SMC1B: variants seen among roughly 807,000 people sequenced by gnomAD.
SMC1B encodes the protein structural maintenance of chromosomes 1B.
In SMC1B, 60 loss-of-function variants were observed where a neutral mutation model predicts 157.9. That is an observed-to-expected ratio of 0.38 (90% CI 0.31 to 0.47). The LOEUF is 0.47. SMC1B is among the 20% of genes least tolerant of loss of function. SMC1B has a pLI of 0.99. For missense variants in SMC1B, 1,165 were observed against 1,426.2 expected (o/e 0.82, Z 2.95); for synonymous variants, 445 against 483.0 (o/e 0.92, Z 1.03).
intron 23 of SMC1B, among the ~76,000 whole-genome samples, chr22:45,347,766 T>C (rs993621148): frequency 2.0e-5 from 3 of 152,078 alleles, no homozygotes; most frequent in African/African-American, 7.2e-5. Context: ...GAATGCCAAT[T>C]TATAAGTAAA....
At position 45,386,857 on chromosome 22, in the gene SMC1B, C is replaced by G. The variant is rs1396189016; in HGVS notation, c.1911+10G>C. The G allele has an allele frequency of 6.2e-7, 1 of 1,611,440 alleles. No homozygotes were observed. Among genetic ancestry groups the G allele is most frequent in the Middle Eastern group, 1.7e-4 (1 of 6,048 alleles). The stretch of plus-strand genomic sequence containing the variant: ...TTATCCAAAGGTGTGATCCAAGCCT[C>G]TTTTCTTACTTTCTGTCTTTCAGGT... On this transcript the variant is annotated intron_variant, in intron 11 of 24. Coordinates refer to ENST00000357450, the MANE Select transcript of SMC1B (RefSeq NM_148674.5).
rs577999962 is a variant in SMC1B, at chr22:45,413,319, G to A, written c.109+140C>T. ...CTGGGCCAGGGCCAGGCCGGGATCC[G>A]GTCGCGGTCAGGCTCCGGGACTGGA... On this transcript the variant is annotated intron_variant, in intron 1 of 24. Transcript: ENST00000357450. The A allele has an allele frequency of 3.5e-4, 221 of 635,726 alleles. 2 individuals carry two copies. In the South Asian group the frequency reaches 4.3e-3, roughly 12 times the overall value. The allele number at this position is 635,726 out of a possible 1,614,324, so 39.4% of individuals were successfully genotyped here.
intron 19 of SMC1B, among the ~76,000 whole-genome samples, chr22:45,356,234 T>TA (rs2086668845): frequency 6.6e-6 from 1 of 152,160 alleles, no homozygotes; most frequent in African/African-American, 2.4e-5. Context: ...CACATGTACT[T>TA]AGACTTAGAG....
chr22:45,378,460 C>T (rs1313183864), intron 12 of SMC1B, among the ~76,000 whole-genome samples: 2 of 152,138 alleles, frequency 1.3e-5, no homozygotes. Flanking sequence ...TGAGCACTTA[C>T]TGTTCTATGC....
intron 9 of SMC1B, among the ~76,000 whole-genome samples, chr22:45,391,064 CTT>C (rs136600): frequency 1.3e-4 from 19 of 142,656 alleles, no homozygotes; most frequent in Non-Finnish European, 1.2e-4. Context: ...TATTTGCTAC[CTT>C]TTTTTTTTTT....
At chr22:45,360,244 A>G (rs1267927372) in intron 17 of SMC1B, among the ~76,000 whole-genome samples, 1 of 152,212 alleles carries the variant, frequency 6.6e-6, no homozygotes. Flanking sequence ...TATAAGCTCT[A>G]CATTTTAGAC....
intron 12 of SMC1B, among the ~76,000 whole-genome samples, chr22:45,378,687 A>G (rs1325658764): frequency 6.6e-6 from 1 of 152,152 alleles, no homozygotes; most frequent in East Asian, 1.9e-4. Context: ...CTTTCCTTCT[A>G]AGAGTGATTT....
intron 2 of SMC1B, 98 bp from the exon 3 acceptor site, chr22:45,406,963 T>C: frequency 3.9e-6 from 3 of 775,876 alleles, no homozygotes; most frequent in Non-Finnish European, 4.0e-6. Context: ...CTTATTGAAA[T>C]GGCCAGTTAT....
At chr22:45,412,832 T>C (rs2087360857) in intron 1 of SMC1B, among the ~76,000 whole-genome samples, 1 of 152,136 alleles carries the variant, frequency 6.6e-6, no homozygotes, top group Non-Finnish European at 1.5e-5. Context: ...TCATCATCAC[T>C]ACATTCCTGG....
At chr22:45,386,758 A>G in intron 11 of SMC1B, 109 bp downstream of exon 11, 1 of 985,502 alleles carries the variant, frequency 1.0e-6, no homozygotes, top group Non-Finnish European at 1.5e-6. Context: ...TCTTTAGAAA[A>G]AAGAACACAT....
intron 17 of SMC1B, among the ~76,000 whole-genome samples, chr22:45,361,056 A>G (rs545003143): frequency 1.3e-4 from 20 of 152,102 alleles, no homozygotes; most frequent in Admixed American, 3.3e-4. Context: ...TATGAATATT[A>G]ACATATGTAA....
At chr22:45,358,000 C>A (rs979344304) in intron 19 of SMC1B, among the ~76,000 whole-genome samples, 10 of 152,306 alleles carry the variant, frequency 6.6e-5, no homozygotes, top group South Asian at 2.1e-4. Context: ...AAGATTGAGG[C>A]TGGATCACCA....
intron 9 of SMC1B, 70 bp from the exon 10 acceptor site, chr22:45,389,967 A>G: frequency 7.6e-7 from 1 of 1,312,322 alleles, no homozygotes; most frequent in Non-Finnish European, 1.1e-6. Context: ...ATTATTTTCT[A>G]ATGTAACAAA....
chr22:45,352,265 C>T (rs1210925477), intron 22 of SMC1B, among the ~76,000 whole-genome samples, 186 bp downstream of exon 22: 2 of 151,488 alleles, frequency 1.3e-5, no homozygotes, highest in African/African-American at 4.8e-5. Context: ...ATTCTGTCTT[C>T]GATTTGCTGT....
intron 12 of SMC1B, among the ~76,000 whole-genome samples, chr22:45,375,726 T>C (rs1218082033): frequency 2.0e-5 from 3 of 152,200 alleles, no homozygotes; most frequent in Admixed American, 6.5e-5. Context: ...CTCCTGCCTT[T>C]AATTCATTAA....
Position 45,369,998 on chromosome 22 carries a change from A to C in SMC1B, c.2376T>G (p.Phe792Leu). ...GTTGCCGTTTAACATGTTTGTTCTC[A>C]AATTCACGAATATTTTCCACGCCAA... ...EEIGVENIRE[F>L]ENKHVKRQQE... The change falls in exon 15 of 25, where the codon TTT becomes TTG. Residue 792 changes from phenylalanine to leucine, a missense_variant. Physicochemically the swap from Phe to Leu is conservative, Grantham distance 22. Transcript: ENST00000357450. 2 of 1,598,964 alleles carry C rather than the reference A, an allele frequency of 1.3e-6. No individual in the cohort carries two copies. The highest frequency in any genetic ancestry group is 1.7e-6 in the Non-Finnish European group (2 of 1,172,712).
At chr22:45,379,723 CTTTTTTT>C (rs136583) in intron 12 of SMC1B, among the ~76,000 whole-genome samples, 19 of 91,484 alleles carry the variant, frequency 2.1e-4, no homozygotes, top group East Asian at 1.1e-3. Context: ...TTTCTTTTTA[CTTTTTTT>C]TTTTTTTTTT....
intron 5 of SMC1B, among the ~76,000 whole-genome samples, chr22:45,401,509 C>A (rs1041221292): frequency 6.6e-6 from 1 of 152,234 alleles, no homozygotes; most frequent in African/African-American, 2.4e-5. Context: ...ATGGCGCCAG[C>A]CAGGTACAGA....
intron 11 of SMC1B, among the ~76,000 whole-genome samples, chr22:45,384,781 C>G (rs1242403690): frequency 6.6e-6 from 1 of 151,154 alleles, no homozygotes; most frequent in Non-Finnish European, 1.5e-5. Context: ...TATGGTTTTA[C>G]TTTTTAAATT....
Sources: allele counts gnomAD v4.1 joint callset (sites outside exome capture counted in the v4.1 genomes callset), GRCh38; gene constraint gnomAD v4.1.1; transcripts MANE v1.5; gene names NCBI Gene and HGNC (gene_info 2026-07-23, HGNC 2026-07-21).